MAML3: variants seen among roughly 807,000 people sequenced by gnomAD.
MAML3 encodes mastermind-like protein 3.
In MAML3, 27 loss-of-function variants were observed where a neutral mutation model predicts 101.9. The observed-to-expected ratio is 0.27, with a 90% CI of 0.20 to 0.37. The LOEUF is 0.37. Ranked by LOEUF, MAML3 falls within the 10% of genes least tolerant of loss-of-function variation. The probability of loss-of-function intolerance (pLI) is 1.00; values close to 1 mark genes in which losing one functional copy is unlikely to be tolerated. For synonymous variants in MAML3, 501 were observed against 555.9 expected, an observed-to-expected ratio of 0.90 and a Z score of 1.39; for missense variants, 1,316 against 1,444.9, an observed-to-expected ratio of 0.91 and a Z score of 1.45.
chr4:139,912,818 C>T (rs535264128), intron 1 of MAML3, among the ~76,000 whole-genome samples: 19 of 152,340 alleles, frequency 1.2e-4, no homozygotes, highest in East Asian at 1.9e-4. Flanking sequence ...AGAGGAAGCA[C>T]GGCCCTGCTC....
At chr4:140,090,116 A>C (rs1728018655) in intron 1 of MAML3, among the ~76,000 whole-genome samples, 1 of 152,270 alleles carries the variant, frequency 6.6e-6, no homozygotes, top group Admixed American at 6.5e-5. Flanking sequence ...TTCTGGATTT[A>C]CTGTCGCCAT....
intron 1 of MAML3, among the ~76,000 whole-genome samples, chr4:139,931,997 C>T (rs971744994): frequency 6.6e-6 from 1 of 151,322 alleles, no homozygotes; most frequent in South Asian, 2.1e-4. Flanking sequence ...CCAGCCTGGG[C>T]GATAAGAACA....
intron 1 of MAML3, among the ~76,000 whole-genome samples, chr4:139,991,352 T>G (rs1282230968): frequency 6.6e-6 from 1 of 152,148 alleles, no homozygotes; most frequent in African/African-American, 2.4e-5. Context: ...TAGCCATATG[T>G]AGAAAGCTGA....
At chr4:140,078,244 T>C (rs58647381) in intron 1 of MAML3, among the ~76,000 whole-genome samples, 2,608 of 150,770 alleles carry the variant, frequency 0.017, 67 homozygotes, top group African/African-American at 0.059. Context: ...ATCAGATGTT[T>C]TGGTTTTAAG....
At chr4:139,905,434 G>A in intron 1 of MAML3, among the ~76,000 whole-genome samples, 1 of 138,490 alleles carries the variant, frequency 7.2e-6, no homozygotes, top group Non-Finnish European at 1.5e-5. Flanking sequence ...AGAGCTTGCT[G>A]TGAGCCGAGA....
intron 1 of MAML3, among the ~76,000 whole-genome samples, chr4:140,142,508 G>T (rs186748047): frequency 7.0e-4 from 107 of 152,280 alleles, no homozygotes; most frequent in African/African-American, 2.5e-3. Context: ...AACTTTTGCT[G>T]GGACAGTTCT....
chr4:140,143,185 G>A (rs560409192), intron 1 of MAML3, among the ~76,000 whole-genome samples: 1 of 152,294 alleles, frequency 6.6e-6, no homozygotes, highest in East Asian at 1.9e-4. Context: ...TCCTGCTGCA[G>A]CCCAGTGAGA....
intron 2 of MAML3, among the ~76,000 whole-genome samples, chr4:139,881,238 C>G (rs1732213333): frequency 6.6e-6 from 1 of 152,080 alleles, no homozygotes; most frequent in Admixed American, 6.5e-5. Flanking sequence ...GAGATGAAAC[C>G]ACAGGACTCT....
chr4:139,778,993 A>T (rs1730147163), intron 2 of MAML3, among the ~76,000 whole-genome samples: 1 of 151,914 alleles, frequency 6.6e-6, no homozygotes. Flanking sequence ...AAAAAAAAAA[A>T]AAAAAAGAAA....
At chr4:139,766,837 C>T (rs1010034784) in intron 2 of MAML3, among the ~76,000 whole-genome samples, 1 of 152,244 alleles carries the variant, frequency 6.6e-6, no homozygotes, top group East Asian at 1.9e-4. Context: ...ACTGCGCCAT[C>T]TCCCTGCAGA....
intron 1 of MAML3, among the ~76,000 whole-genome samples, chr4:140,142,892 T>C (rs1009990421): frequency 6.6e-6 from 1 of 152,196 alleles, no homozygotes; most frequent in Non-Finnish European, 1.5e-5. Flanking sequence ...AAGGGTCACC[T>C]CGTCCCAAAA....
rs150653230 is a variant in MAML3 at position 139,826,037 on chromosome 4, G to A, written c.2079+63320C>T. Among the ~76,000 whole-genome samples the A allele has an allele frequency of 8.5e-3, 1,288 of 152,244 alleles. 12 individuals are homozygous for A. Among genetic ancestry groups the A allele is most frequent in the Admixed American group, 0.015 (230 of 15,288 alleles). ...TCCATGGGAGCCCTGTGGGAGGAAG[G>A]GGGTATCTGTCGTGGATCTTCTGGC... On this transcript the variant is annotated intron_variant, in intron 2 of 4. Transcript: ENST00000509479.
intron 2 of MAML3, among the ~76,000 whole-genome samples, chr4:139,858,951 T>G (rs909561924): frequency 6.6e-6 from 1 of 152,172 alleles, no homozygotes; most frequent in Admixed American, 6.5e-5. Context: ...CTGTCTACTA[T>G]GAACAAGACT....
chr4:139,769,116 A>G (rs1475038310), intron 2 of MAML3, among the ~76,000 whole-genome samples: 1 of 152,234 alleles, frequency 6.6e-6, no homozygotes, highest in African/African-American at 2.4e-5. Flanking sequence ...GAGTCTCAGC[A>G]GAAGCAGAAG....
intron 2 of MAML3, among the ~76,000 whole-genome samples, chr4:139,812,029 G>A (rs1481982233): frequency 2.6e-5 from 4 of 152,154 alleles, no homozygotes; most frequent in African/African-American, 9.6e-5. Context: ...TTGGGAAGCT[G>A]AGGAGGGAGG....
intron 1 of MAML3, among the ~76,000 whole-genome samples, chr4:139,929,897 A>G (rs1049514873): frequency 2.0e-5 from 3 of 152,200 alleles, no homozygotes; most frequent in Admixed American, 2.0e-4. Context: ...GGAGTTTGGA[A>G]CTGCAGACCC....
intron 2 of MAML3, among the ~76,000 whole-genome samples, chr4:139,805,845 T>C (rs753592869): frequency 6.6e-6 from 1 of 152,152 alleles, no homozygotes; most frequent in African/African-American, 2.4e-5. Flanking sequence ...AATGGAATAC[T>C]ATGCGAGCGG....
intron 1 of MAML3, among the ~76,000 whole-genome samples, chr4:140,070,595 A>C (rs971306985): frequency 6.6e-6 from 1 of 152,168 alleles, no homozygotes; most frequent in Non-Finnish European, 1.5e-5. Flanking sequence ...ATGAAACTGA[A>C]TTTGTTCAGC....
chr4:139,912,318 A>G (rs764334156), intron 1 of MAML3, among the ~76,000 whole-genome samples: 1 of 152,198 alleles, frequency 6.6e-6, no homozygotes, highest in Non-Finnish European at 1.5e-5. Flanking sequence ...TCTTTTCTCA[A>G]TGACCTTGAC....
Sources: allele counts gnomAD v4.1 joint callset (sites outside exome capture counted in the v4.1 genomes callset), GRCh38; gene constraint gnomAD v4.1.1; transcripts MANE v1.5; gene names NCBI Gene and HGNC (gene_info 2026-07-23, HGNC 2026-07-21).